Variants in SIRPG observed in about 807,000 individuals in gnomAD.
The protein encoded by SIRPG is signal-regulatory protein gamma.
SIRPG carries 38 observed loss-of-function variants against 35.7 expected under a neutral mutation model. The observed-to-expected ratio is 1.06, with a 90% CI of 0.82 to 1.40. The LOEUF (loss-of-function observed/expected upper bound fraction) is 1.40, where lower values mean the gene tolerates loss of function less well. Ranked by LOEUF, SIRPG falls within the 40% of genes most tolerant of loss-of-function variation. SIRPG has a pLI of 0.00. For missense variants in SIRPG, 519 were observed against 483.0 expected, an observed-to-expected ratio of 1.07 and a Z score of -0.70; for synonymous variants, 215 against 190.4, an observed-to-expected ratio of 1.13 and a Z score of -1.06.
At chr20:1,654,880 A>G (rs2091965521) in intron 1 of SIRPG, among the ~76,000 whole-genome samples, 1 of 152,232 alleles carries the variant, frequency 6.6e-6, no homozygotes, top group Admixed American at 6.5e-5. Context: ...AGATCCGAAT[A>G]GACATTTCTC....
At chr20:1,653,069 A>G (rs2091952105) in intron 1 of SIRPG, among the ~76,000 whole-genome samples, 1 of 152,250 alleles carries the variant, frequency 6.6e-6, no homozygotes, top group Non-Finnish European at 1.5e-5. Context: ...GCAAACATAC[A>G]GAAAGTAGAA....
At chr20:1,659,401 A>C (rs1486960020), upstream of SIRPG, among the ~76,000 whole-genome samples, 2 of 152,250 alleles carry the variant, frequency 1.3e-5, no homozygotes, top group Non-Finnish European at 2.9e-5. Context: ...CTCCACACCC[A>C]CAGTAGTGAA....
chr20:1,675,747 T>G, the SIRPG span, among the ~76,000 whole-genome samples: 1 of 152,258 alleles, frequency 6.6e-6, no homozygotes. Context: ...AGACAAGTTC[T>G]GTTTAGAAAT....
chr20:1,634,903 C>T (rs557698712), intron 4 of SIRPG, among the ~76,000 whole-genome samples: 371 of 151,676 alleles, frequency 2.4e-3, no homozygotes, highest in Non-Finnish European at 4.1e-3. Flanking sequence ...ATTAGTCGGG[C>T]GTGGTGGCGG....
chr20:1,679,414 C>T, the SIRPG span, among the ~76,000 whole-genome samples: 2 of 152,160 alleles, frequency 1.3e-5, no homozygotes, highest in Non-Finnish European at 2.9e-5. Context: ...TCCTCCTCTG[C>T]TGTGACCTAG....
the SIRPG span, among the ~76,000 whole-genome samples, chr20:1,667,113 TCTC>T: frequency 6.6e-6 from 1 of 152,172 alleles, no homozygotes; most frequent in Non-Finnish European, 1.5e-5. Context: ...CCCAGGCTGA[TCTC>T]AAACTCTTGG....
chr20:1,650,256 C>T (rs1032847932), intron 1 of SIRPG, among the ~76,000 whole-genome samples: 1 of 151,616 alleles, frequency 6.6e-6, no homozygotes, highest in African/African-American at 2.4e-5. Flanking sequence ...TTATAAGGAC[C>T]CTTCTGATAT....
chr20:1,652,314 C>T (rs565214321), intron 1 of SIRPG, among the ~76,000 whole-genome samples: 1 of 152,320 alleles, frequency 6.6e-6, no homozygotes, highest in East Asian at 1.9e-4. Flanking sequence ...CCAGTCCCTG[C>T]TCATCTGAAA....
chr20:1,629,643 GA>G lies in SIRPG; in HGVS notation c.*3-8del. The G allele has an allele frequency of 6.5e-6, 1 of 152,726 alleles. No homozygotes were observed. The highest frequency in any genetic ancestry group is 1.5e-5 in the Non-Finnish European group (1 of 68,388). 9.5% of individuals were successfully genotyped at this position (152,726 alleles called of 1,614,324 possible). On this transcript the variant is annotated splice_polypyrimidine_tract_variant and splice_region_variant and intron_variant, in intron 5 of 5. Transcript: ENST00000303415. ...CAGGGGAGGAAGGAAGGAGCTGTAG[GA>G]AAACACATCCACACTTAGTCATCTG...
the SIRPG span, among the ~76,000 whole-genome samples, chr20:1,675,894 G>C: frequency 6.6e-6 from 1 of 152,092 alleles, no homozygotes; most frequent in African/African-American, 2.4e-5. Flanking sequence ...TTCTAAGTGG[G>C]TTAAAAGAGG....
At chr20:1,682,807 A>T in the SIRPG span, among the ~76,000 whole-genome samples, 1 of 152,244 alleles carries the variant, frequency 6.6e-6, no homozygotes, top group Non-Finnish European at 1.5e-5. Context: ...CAGTTTCTAG[A>T]TATCAGCCCA....
chr20:1,678,837 A>G, the SIRPG span, among the ~76,000 whole-genome samples: 1 of 152,336 alleles, frequency 6.6e-6, no homozygotes, highest in East Asian at 1.9e-4. Context: ...GAAAGCAGCA[A>G]AAGAGAAGCG....
At chr20:1,651,544 C>T (rs967247429) in intron 1 of SIRPG, among the ~76,000 whole-genome samples, 1 of 152,070 alleles carries the variant, frequency 6.6e-6, no homozygotes, top group East Asian at 1.9e-4. Context: ...ATGAAATTCT[C>T]ATGACCAGGT....
chr20:1,657,819 G>A, upstream of SIRPG: 1 of 1,077,874 alleles, frequency 9.3e-7, no homozygotes, highest in South Asian at 1.5e-5. Flanking sequence ...AATTCAAGAG[G>A]AAGTGGCTAT....
intron 2 of SIRPG, among the ~76,000 whole-genome samples, chr20:1,644,553 C>T (rs2091882582): frequency 6.6e-6 from 1 of 152,126 alleles, no homozygotes; most frequent in Non-Finnish European, 1.5e-5. Flanking sequence ...ATGGCTTAAA[C>T]AGCAGGCAGC....
At chr20:1,650,002 G>GTATATATA (rs200260253) in intron 1 of SIRPG, among the ~76,000 whole-genome samples, 5,726 of 80,924 alleles carry the variant, frequency 0.071, 303 homozygotes, top group East Asian at 0.2. Flanking sequence ...ACTTTGAAGT[G>GTATATATA]TGTATATATA....
intron 4 of SIRPG, among the ~76,000 whole-genome samples, chr20:1,634,619 A>G (rs1319808919): frequency 3.3e-5 from 5 of 152,188 alleles, no homozygotes; most frequent in Admixed American, 6.5e-5. Context: ...AACAAAGCAG[A>G]GGTTAGAAAA....
At chr20:1,637,563 T>C (rs997441424) in intron 2 of SIRPG, 1 of 153,378 alleles carries the variant, frequency 6.5e-6, no homozygotes, top group African/African-American at 2.4e-5. Context: ...AACTCTTTAT[T>C]TCCCAGATAA....
rs879192112 is a variant in SIRPG at position 1,649,629 on chromosome 20, C to T, written c.74-221G>A. Among the ~76,000 whole-genome samples the T allele has an allele frequency of 5.2e-3, 394 of 75,786 alleles. 5 individuals are homozygous for T. The highest frequency in any genetic ancestry group is 0.016 in the African/African-American group (278 of 17,534). 49.7% of individuals were successfully genotyped at this position (75,786 alleles called of 152,430 possible). Reference sequence around the variant, plus strand: ...CTGAGGCCTGAGGCACAGAGAGGTTCTTTTTTTTTTTTTTTTTTTTTTTTT... The same window carrying T: ...CTGAGGCCTGAGGCACAGAGAGGTTTTTTTTTTTTTTTTTTTTTTTTTTTT... On this transcript the variant is annotated intron_variant, in intron 1 of 5. Transcript: ENST00000303415.
Sources: allele counts gnomAD v4.1 joint callset (sites outside exome capture counted in the v4.1 genomes callset), GRCh38; gene constraint gnomAD v4.1.1; transcripts MANE v1.5; gene names NCBI Gene and HGNC (gene_info 2026-07-23, HGNC 2026-07-21).